Variants in PALM observed in about 807,000 individuals in gnomAD.
The protein encoded by PALM is paralemmin-1.
A neutral mutation model predicts 30.7 loss-of-function variants in PALM; 18 were observed. That is an observed-to-expected ratio of 0.59 (90% CI 0.41 to 0.87). PALM has a LOEUF of 0.87. PALM is among the 40% of genes least tolerant of loss of function. The pLI is 0.00. For synonymous variants in PALM, 286 were observed against 242.8 expected (o/e 1.18, Z -1.66); for missense variants, 529 against 555.4 (o/e 0.95, Z 0.48).
intron 1 of PALM, among the ~76,000 whole-genome samples, chr19:718,496 G>A (rs1308671634): frequency 6.6e-6 from 1 of 152,178 alleles, no homozygotes; most frequent in Non-Finnish European, 1.5e-5. Flanking sequence ...GGAAGGCCCC[G>A]TTCACGCCTC....
At chr19:727,826 C>G (rs568985191) in intron 4 of PALM, 132 bp downstream of exon 4, 20 of 850,448 alleles carry the variant, frequency 2.4e-5, no homozygotes, top group South Asian at 1.1e-4. Context: ...GGCCAGGACC[C>G]AACATGCTTT....
chr19:729,446 C>T (rs1459848529), intron 4 of PALM, among the ~76,000 whole-genome samples: 2 of 150,362 alleles, frequency 1.3e-5, no homozygotes, highest in African/African-American at 4.9e-5. Context: ...AGGCAAAAAT[C>T]CCACGGTGCG....
intron 1 of PALM, among the ~76,000 whole-genome samples, chr19:724,644 C>T (rs767346261): frequency 7.5e-5 from 11 of 147,328 alleles, no homozygotes; most frequent in Non-Finnish European, 1.1e-4. Flanking sequence ...TGAGACAGAG[C>T]CTCATGCTGC....
chr19:740,933 C>G (rs898287935), intron 8 of PALM, among the ~76,000 whole-genome samples: 5 of 150,664 alleles, frequency 3.3e-5, no homozygotes, highest in African/African-American at 1.2e-4. Flanking sequence ...AAGTTTGAGA[C>G]CAGCCTGGGC....
rs764780953 is a variant in PALM, at chr19:727,647, G to A, written c.222G>A (p.Met74Ile). 3 of 1,571,212 alleles carry A rather than the reference G, an allele frequency of 1.9e-6. No individual in the cohort carries two copies. The South Asian group carries it at 3.5e-5, about 18-fold the overall frequency. ...GGGATGAGGACCTGAGGAGGCAGAT[G>A]CAGGACGACGAGCAGAAGACACGGC... ...SEGDEDLRRQ[M>I]QDDEQKTRLL... Residue 74 changes from methionine to isoleucine, a missense_variant, in exon 4 of 9, where the codon ATG becomes ATA. By Grantham distance (10) the Met-to-Ile change is conservative. Transcript: ENST00000338448.
At chr19:719,405 G>T in intron 1 of PALM, 1 of 985,388 alleles carries the variant, frequency 1.0e-6, no homozygotes, top group Non-Finnish European at 1.2e-6. Context: ...CGGGCCCCGA[G>T]CCGCCCACAC....
intron 1 of PALM, among the ~76,000 whole-genome samples, chr19:716,678 A>G (rs2032271375): frequency 6.6e-6 from 1 of 152,088 alleles, no homozygotes; most frequent in African/African-American, 2.4e-5. Context: ...CAGCCATGGA[A>G]AGTCTCAGGG....
intron 1 of PALM, chr19:711,177 C>T (rs997063791): frequency 2.4e-5 from 24 of 983,858 alleles, no homozygotes; most frequent in Non-Finnish European, 2.9e-5. Context: ...GGGTTGCTAA[C>T]CACAGGGCCG....
At chr19:733,947 T>C (rs893298926) in intron 5 of PALM, among the ~76,000 whole-genome samples, 3 of 152,076 alleles carry the variant, frequency 2.0e-5, no homozygotes, top group African/African-American at 7.2e-5. Context: ...GATTGCCCCA[T>C]TGCACTCCGG....
chr19:713,386 G>A (rs1005977142), intron 1 of PALM, among the ~76,000 whole-genome samples: 3 of 152,030 alleles, frequency 2.0e-5, no homozygotes, highest in Non-Finnish European at 2.9e-5. Context: ...AGTCTCCTCC[G>A]GGCCTCACTG....
Position 713,916 on chromosome 19 carries a change from T to TTC in PALM, c.5+4766_5+4767insCT, listed in dbSNP as rs1352035312. Among the ~76,000 whole-genome samples the TTC allele has an allele frequency of 2.7e-3, 394 of 147,498 alleles. 1 individual carries two copies. The highest frequency in any genetic ancestry group is 3.3e-3 in the Non-Finnish European group (219 of 66,906). Reference sequence around the variant, plus strand: ...TTTTTCTTTCTTTCTTTCTTTTTTTTTTTTTTGAGACAGAGTCTCGCTCTG... The same window carrying TTC: ...TTTTTCTTTCTTTCTTTCTTTTTTTTTCTTTTTTGAGACAGAGTCTCGCTCTG... On this transcript the variant is annotated intron_variant, in intron 1 of 8. Coordinates refer to ENST00000338448, the MANE Select transcript of PALM (RefSeq NM_002579.3).
At chr19:734,286 T>G in intron 6 of PALM, 92 bp downstream of exon 6, 1 of 1,267,044 alleles carries the variant, frequency 7.9e-7, no homozygotes, top group Non-Finnish European at 1.1e-6. Flanking sequence ...ACAAAGTTGC[T>G]CGGTGCCTCA....
intron 4 of PALM, among the ~76,000 whole-genome samples, chr19:729,331 G>A (rs952695124): frequency 6.6e-6 from 1 of 151,684 alleles, no homozygotes; most frequent in Non-Finnish European, 1.5e-5. Flanking sequence ...GTCTAAAAAA[G>A]GAAGGTATGG....
At chr19:730,405 C>T (rs1259941856) in intron 4 of PALM, among the ~76,000 whole-genome samples, 1 of 152,196 alleles carries the variant, frequency 6.6e-6, no homozygotes, top group Non-Finnish European at 1.5e-5. Flanking sequence ...GTTTTGTTTT[C>T]CTGGATCTGC....
intron 8 of PALM, among the ~76,000 whole-genome samples, chr19:741,427 C>CGGGCTGCAGGGGTGAGGGGAGCT (rs2033186980): frequency 2.8e-5 from 3 of 105,814 alleles, no homozygotes; most frequent in Admixed American, 9.7e-5. Flanking sequence ...TGAGGGGAGA[C>CGGGCTGCAGGGGTGAGGGGAGCT]GGGCTGCAGG....
chr19:744,106 A>C (rs1285491328), intron 8 of PALM, among the ~76,000 whole-genome samples: 1 of 152,214 alleles, frequency 6.6e-6, no homozygotes, highest in Admixed American at 6.6e-5. Context: ...TACACTTGAA[A>C]ATGAATAACA....
chr19:734,078 T>C (rs1027861747), intron 5 of PALM, 95 bp from the exon 6 acceptor site: 6 of 1,145,278 alleles, frequency 5.2e-6, no homozygotes, highest in Admixed American at 1.8e-5. Context: ...CGTCACCCAC[T>C]GTGCCATGCC....
At chr19:729,331 G>C (rs952695124) in intron 4 of PALM, among the ~76,000 whole-genome samples, 1 of 151,684 alleles carries the variant, frequency 6.6e-6, no homozygotes, top group African/African-American at 2.4e-5. Context: ...GTCTAAAAAA[G>C]GAAGGTATGG....
At chr19:730,196 C>T (rs1396366656) in intron 4 of PALM, among the ~76,000 whole-genome samples, 1 of 113,468 alleles carries the variant, frequency 8.8e-6, no homozygotes, top group Admixed American at 8.5e-5. Context: ...TGCAGGAAGC[C>T]CTCCAGGCGG....
Sources: allele counts gnomAD v4.1 joint callset (sites outside exome capture counted in the v4.1 genomes callset), GRCh38; gene constraint gnomAD v4.1.1; transcripts MANE v1.5; gene names NCBI Gene and HGNC (gene_info 2026-07-23, HGNC 2026-07-21).